The following TRMT1L variants were observed in gnomAD, a reference collection of about 807,000 sequenced individuals.
The protein encoded by TRMT1L is tRNA (guanine(27)-N(2))-dimethyltransferase.
A neutral mutation model predicts 81.6 loss-of-function variants in TRMT1L; 28 were observed. That is an observed-to-expected ratio of 0.34 (90% CI 0.25 to 0.47). The LOEUF is 0.47. Among genes scored for constraint, TRMT1L ranks in the 20% least tolerant of loss-of-function variants. The pLI is 1.00. For synonymous variants in TRMT1L, 301 were observed against 303.2 expected, an observed-to-expected ratio of 0.99 and a Z score of 0.07; for missense variants, 739 against 877.1, an observed-to-expected ratio of 0.84 and a Z score of 1.99.
chr1:185,156,368 A>C lies in TRMT1L; in HGVS notation c.235+110T>G, dbSNP rs1228809679. The C allele has an allele frequency of 8.1e-6, 13 of 1,610,152 alleles. No homozygotes were observed. The East Asian group carries it at 2.9e-4, about 36-fold the overall frequency. ...CCTCTTTCCTCCCCACCATTTTCCT[A>C]AACCTGCCTTGCCCCATAAAAACCA... On this transcript the variant is annotated intron_variant, in intron 1 of 14. Coordinates refer to ENST00000367506, the MANE Select transcript of TRMT1L (RefSeq NM_030934.5).
intron 1 of TRMT1L, among the ~76,000 whole-genome samples, chr1:185,153,339 G>A (rs1653412639): frequency 6.6e-6 from 1 of 152,150 alleles, no homozygotes; most frequent in Non-Finnish European, 1.5e-5. Flanking sequence ...CTGGTAGTGA[G>A]GTATGAGAGA....
intron 9 of TRMT1L, among the ~76,000 whole-genome samples, chr1:185,138,273 C>T (rs190459283): frequency 2.6e-5 from 4 of 152,092 alleles, no homozygotes; most frequent in African/African-American, 9.7e-5. Context: ...TTGGATTAAG[C>T]TCTACTATAT....
chr1:185,143,723 C>T (rs1028479656), intron 6 of TRMT1L, among the ~76,000 whole-genome samples, 183 bp downstream of exon 6: 2 of 151,974 alleles, frequency 1.3e-5, no homozygotes, highest in Admixed American at 1.3e-4. Context: ...CTATCTTATT[C>T]TCTGATAAAG....
chr1:185,145,623 A>G, intron 4 of TRMT1L, 55 bp from the exon 5 acceptor site: 1 of 1,554,704 alleles, frequency 6.4e-7, no homozygotes, highest in East Asian at 2.3e-5. Context: ...AAACAGAAGT[A>G]TATGTTTGCA....
At chr1:185,123,735 T>C in intron 13 of TRMT1L, 122 bp downstream of exon 13, 1 of 624,254 alleles carries the variant, frequency 1.6e-6, no homozygotes, top group East Asian at 3.3e-5. Flanking sequence ...AGTTTTGTTG[T>C]CATATAATAT....
chr1:185,152,385 T>A (rs562679197), intron 1 of TRMT1L, among the ~76,000 whole-genome samples: 3 of 152,288 alleles, frequency 2.0e-5, no homozygotes, highest in East Asian at 3.9e-4. Flanking sequence ...GTAGAAAACA[T>A]ACAACCATGC....
rs1167407773 is a variant in TRMT1L at position 185,118,412 on chromosome 1, C to G, written c.*1607G>C. ...TCTTTGCATTAAGCCCAACTCATCA[C>G]TGATCAACATATTTCATGCTGATAA... is the stretch of plus-strand genomic sequence containing the variant. On this transcript the variant is annotated 3_prime_UTR_variant, in exon 15 of 15. Transcript: ENST00000367506. 6.6e-6 allele frequency: 1 copy of G among 152,108 alleles called. No homozygotes were observed. Among genetic ancestry groups the G allele is most frequent in the Non-Finnish European group, 1.5e-5 (1 of 68,004 alleles). 9.4% of individuals were successfully genotyped at this position (152,108 alleles called of 1,614,324 possible). A position where few individuals can be genotyped will look rare whatever the true frequency, so the allele number is the denominator to read the frequency against.
intron 5 of TRMT1L, among the ~76,000 whole-genome samples, 168 bp downstream of exon 5, chr1:185,145,271 G>A (rs2102251570): frequency 6.6e-6 from 1 of 151,882 alleles, no homozygotes. Flanking sequence ...ATGTTAAAAT[G>A]TTTTTGGAGA....
In TRMT1L at chr1:185,137,815, A is replaced by C. The variant is rs969264609; in HGVS notation, c.1323-19T>G. 1.2e-6 allele frequency: 2 copies of C among 1,609,878 alleles called. No homozygotes were observed. The highest frequency in any genetic ancestry group is 2.2e-5 in the East Asian group (1 of 44,808). On this transcript the variant is annotated intron_variant, in intron 9 of 14. Transcript: ENST00000367506. ...TGCAGCTCTACAATAAATTTTTTCA[A>C]GTTATTTTGTGGGCTTATCATTTTC...
intron 10 of TRMT1L, 35 bp from the exon 11 acceptor site, chr1:185,128,782 G>C: frequency 3.3e-6 from 5 of 1,518,120 alleles, no homozygotes; most frequent in Non-Finnish European, 3.6e-6. Flanking sequence ...AATCAAAGGA[G>C]AAATGACTAA....
intron 4 of TRMT1L, among the ~76,000 whole-genome samples, 163 bp from the exon 5 acceptor site, chr1:185,145,731 A>C (rs1165466927): frequency 2.0e-5 from 3 of 152,006 alleles, no homozygotes; most frequent in Non-Finnish European, 4.4e-5. Context: ...ACCTGCATTT[A>C]CATATACTTT....
At chr1:185,141,741 T>C (rs965144147) in intron 7 of TRMT1L, among the ~76,000 whole-genome samples, 1 of 152,088 alleles carries the variant, frequency 6.6e-6, no homozygotes, top group Non-Finnish European at 1.5e-5. Context: ...TGAAGAATAC[T>C]GAGAAATAAA....
Position 185,128,653 on chromosome 1 carries a change from ATGGC to A in TRMT1L, c.1592+12_1592+15del. 1 of 1,610,002 alleles carries A rather than the reference ATGGC, an allele frequency of 6.2e-7. No homozygotes were observed. Among genetic ancestry groups the A allele is most frequent in the Non-Finnish European group, 8.5e-7 (1 of 1,176,938 alleles). The stretch of plus-strand genomic sequence containing the variant: ...ATACATCAAATTTTAATATGTTCTT[ATGGC>A]TGGTCACATACCACAGAGGTCCAAG... On this transcript the variant is annotated intron_variant, in intron 11 of 14. Transcript: ENST00000367506.
At chr1:185,127,773 A>G (rs1441639304) in intron 11 of TRMT1L, among the ~76,000 whole-genome samples, 2 of 151,334 alleles carry the variant, frequency 1.3e-5, no homozygotes, top group East Asian at 3.9e-4. Flanking sequence ...AAAAAAAAAA[A>G]AAAAAAAAAA....
At chr1:185,122,016 A>G (rs1652511905) in intron 13 of TRMT1L, among the ~76,000 whole-genome samples, 1 of 151,980 alleles carries the variant, frequency 6.6e-6, no homozygotes, top group Non-Finnish European at 1.5e-5. Flanking sequence ...TTTAGCTCCC[A>G]CTTGTAAGTT....
rs747249984 is a variant in TRMT1L at position 185,123,926 on chromosome 1, A to G, written c.1760-7T>C. The G allele has an allele frequency of 1.4e-6, 2 of 1,431,832 alleles. No individual in the cohort carries two copies. The highest frequency in any genetic ancestry group is 1.9e-6 in the Non-Finnish European group (2 of 1,062,668). 88.7% of individuals were successfully genotyped at this position (1,431,832 alleles called of 1,614,324 possible). On this transcript the variant is annotated splice_polypyrimidine_tract_variant and splice_region_variant and intron_variant, in intron 12 of 14. Transcript: ENST00000367506. Reference sequence around the variant, plus strand: ...ATAAATACACCATTTTCTTCTAAAAAATAAAGCAAATGGGAAAAGAAAATA... The same window carrying G: ...ATAAATACACCATTTTCTTCTAAAAGATAAAGCAAATGGGAAAAGAAAATA...
At chr1:185,145,682 T>C in intron 4 of TRMT1L, 114 bp from the exon 5 acceptor site, 1 of 1,006,796 alleles carries the variant, frequency 9.9e-7, no homozygotes, top group Non-Finnish European at 1.4e-6. Context: ...AAGATAATTT[T>C]AATTTTGCCA....
intron 11 of TRMT1L, among the ~76,000 whole-genome samples, chr1:185,125,960 G>A (rs1652616088): frequency 6.6e-6 from 1 of 152,054 alleles, no homozygotes; most frequent in African/African-American, 2.4e-5. Context: ...ATGTGGTGAT[G>A]GTATGGTTCA....
chr1:185,142,098 G>C (rs1471716549), intron 7 of TRMT1L, among the ~76,000 whole-genome samples: 1 of 152,144 alleles, frequency 6.6e-6, no homozygotes, highest in African/African-American at 2.4e-5. Flanking sequence ...GTAATAACAT[G>C]ATTCAAATTT....
Sources: gnomAD v4.1 joint callset for allele counts (sites outside exome capture counted in the v4.1 genomes callset) on GRCh38, gnomAD v4.1.1 for gene constraint, MANE v1.5 for transcripts, NCBI Gene and HGNC (gene_info 2026-07-23, HGNC 2026-07-21) for gene names.